Variants in RIMKLB observed in about 807,000 individuals in gnomAD.
The protein encoded by RIMKLB is ribosomal modification protein rimK like family member B, also known as beta-citrylglutamate synthase B.
Under a neutral mutation model 32.0 loss-of-function variants are expected in RIMKLB, and 7 were observed. The observed-to-expected ratio is 0.22, with a 90% CI of 0.12 to 0.41. RIMKLB has a LOEUF of 0.41. Ranked by LOEUF, RIMKLB falls within the 10% of genes least tolerant of loss-of-function variation. The probability of loss-of-function intolerance (pLI) is 1.00; values close to 1 mark genes in which losing one functional copy is unlikely to be tolerated. For synonymous variants in RIMKLB, 172 were observed against 185.1 expected, an observed-to-expected ratio of 0.93 and a Z score of 0.57; for missense variants, 289 against 498.7, an observed-to-expected ratio of 0.58 and a Z score of 4.00.
At chr12:8,676,331 C>T in the RIMKLB span, among the ~76,000 whole-genome samples, 1 of 150,262 alleles carries the variant, frequency 6.7e-6, no homozygotes, top group African/African-American at 2.5e-5. Flanking sequence ...GTCTTGGCCT[C>T]CCAAAGTACT....
At position 8,776,402 on chromosome 12, in the gene RIMKLB, C is replaced by T; in HGVS notation, c.*2618C>T. On this transcript the variant is annotated 3_prime_UTR_variant, in exon 6 of 6. Coordinates refer to ENST00000535829, the MANE Select transcript of RIMKLB (RefSeq NM_001297776.2). ...GGAAGTACCTTAAGGAAACAAACAG[C>T]AGCAGATATTTAGGTTAAACTTATT... 1.0e-6 allele frequency: 1 copy of T among 975,462 alleles called. No individual in the cohort carries two copies. Among genetic ancestry groups the T allele is most frequent in the Non-Finnish European group, 1.2e-6 (1 of 820,938 alleles). The allele number at this position is 975,462 out of a possible 1,614,324, so 60.4% of individuals were successfully genotyped here.
chr12:8,719,747 A>G (rs1461220965), intron 2 of RIMKLB, among the ~76,000 whole-genome samples: 3 of 152,234 alleles, frequency 2.0e-5, no homozygotes, highest in Admixed American at 1.3e-4. Flanking sequence ...AATAACTATT[A>G]CAAGTGCTTA....
At chr12:8,715,512 C>T (rs1163333893) in intron 2 of RIMKLB, among the ~76,000 whole-genome samples, 2 of 152,138 alleles carry the variant, frequency 1.3e-5, no homozygotes, top group Non-Finnish European at 1.5e-5. Context: ...GCATGAGGCA[C>T]CATGCCCACC....
At chr12:8,777,468 T>C (rs1950804015), downstream of RIMKLB, 2 of 1,112,518 alleles carry the variant, frequency 1.8e-6, no homozygotes, top group South Asian at 2.2e-5. Flanking sequence ...TGCCTAACTC[T>C]AGTGAAAATT....
intron 1 of RIMKLB, among the ~76,000 whole-genome samples, chr12:8,707,201 G>T (rs1294361161): frequency 6.6e-6 from 1 of 152,094 alleles, no homozygotes; most frequent in Non-Finnish European, 1.5e-5. Flanking sequence ...TCTCCCACAG[G>T]TTAAGTGCTC....
chr12:8,682,759 C>G (rs1180344948), intron 1 of RIMKLB, among the ~76,000 whole-genome samples: 1 of 140,836 alleles, frequency 7.1e-6, no homozygotes, highest in South Asian at 2.2e-4. Context: ...GGGGAGGGAG[C>G]GAGATTCCGC....
At chr12:8,700,862 T>C (rs1210991844) in intron 1 of RIMKLB, among the ~76,000 whole-genome samples, 2 of 152,080 alleles carry the variant, frequency 1.3e-5, no homozygotes, top group Non-Finnish European at 2.9e-5. Context: ...GGTCAGGAGT[T>C]TGAAACCAGC....
In RIMKLB at chr12:8,719,450, C is replaced by T. The variant is rs143740846; in HGVS notation, c.175+5409C>T. Among the ~76,000 whole-genome samples the T allele has an allele frequency of 1.1e-3, 170 of 152,206 alleles. 1 individual carries two copies. Among genetic ancestry groups the T allele is most frequent in the Admixed American group, 1.8e-3 (28 of 15,270 alleles). On this transcript the variant is annotated intron_variant, in intron 2 of 5. Transcript: ENST00000535829. ...ATGGTGCGATCTCGGCTCACTGCAA[C>T]CTCCACCTCCCAGATTCAAGCGATT...
At chr12:8,755,731 G>A (rs1388013425) in intron 5 of RIMKLB, among the ~76,000 whole-genome samples, 3 of 152,130 alleles carry the variant, frequency 2.0e-5, no homozygotes, top group African/African-American at 4.8e-5. Context: ...CGATAGGGCC[G>A]GGCACAATGG....
At chr12:8,715,447 A>T (rs974590014) in intron 2 of RIMKLB, among the ~76,000 whole-genome samples, 9 of 151,080 alleles carry the variant, frequency 6.0e-5, no homozygotes, top group Admixed American at 5.9e-4. Context: ...CTGGTCTCCA[A>T]CTCTGAACTC....
chr12:8,702,536 A>G (rs1057284732), intron 1 of RIMKLB, among the ~76,000 whole-genome samples: 4 of 152,038 alleles, frequency 2.6e-5, no homozygotes, highest in Non-Finnish European at 5.9e-5. Context: ...TCACGTTCCT[A>G]TAAATTTAGA....
At position 8,757,147 on chromosome 12, in the gene RIMKLB, ATAGT is replaced by A. The variant is rs765243403; in HGVS notation, c.697+3057_697+3060del. 9.5e-4 allele frequency among the ~76,000 whole-genome samples: 145 copies of A among 152,292 alleles called. 1 individual carries two copies. The highest frequency in any genetic ancestry group is 3.4e-3 in the African/African-American group (140 of 41,556). On this transcript the variant is annotated intron_variant, in intron 5 of 5. Coordinates refer to ENST00000535829, the MANE Select transcript of RIMKLB (RefSeq NM_001297776.2). Reference sequence around the variant, plus strand: ...ACTTTACTACATTGAGATTTAATTAATAGTTACTCTTCATAGTTCAGGCAAAAGG... The same window carrying A: ...ACTTTACTACATTGAGATTTAATTAATACTCTTCATAGTTCAGGCAAAAGG...
intron 5 of RIMKLB, among the ~76,000 whole-genome samples, chr12:8,758,665 T>C (rs1266327255): frequency 6.6e-6 from 1 of 152,236 alleles, no homozygotes; most frequent in Non-Finnish European, 1.5e-5. Flanking sequence ...TCTAAAAGCT[T>C]TTCCGTGTTT....
At chr12:8,766,720 C>T (rs565113681) in intron 5 of RIMKLB, among the ~76,000 whole-genome samples, 1 of 152,198 alleles carries the variant, frequency 6.6e-6, no homozygotes, top group Non-Finnish European at 1.5e-5. Flanking sequence ...GGAGTTCCTC[C>T]TAGGTCTGGT....
At chr12:8,682,608 T>C (rs1942441203) in intron 1 of RIMKLB, among the ~76,000 whole-genome samples, 1 of 151,402 alleles carries the variant, frequency 6.6e-6, no homozygotes, top group Non-Finnish European at 1.5e-5. Context: ...CTGACTCTAC[T>C]AAGAACACCA....
Position 8,776,154 on chromosome 12 carries a change from G to GTAGT in RIMKLB, c.*2375_*2378dup. ...GGTGGGGTAAGGCATCAGGAAAAAT[G>GTAGT]TAGTTAGTCTTTTCTTAACTTATAC... On this transcript the variant is annotated 3_prime_UTR_variant, in exon 6 of 6. Coordinates refer to ENST00000535829, the MANE Select transcript of RIMKLB (RefSeq NM_001297776.2). The GTAGT allele has an allele frequency of 1.2e-5, 12 of 984,966 alleles. No homozygotes were observed. Among genetic ancestry groups the GTAGT allele is most frequent in the African/African-American group, 1.7e-5 (1 of 57,344 alleles). The allele number at this position is 984,966 out of a possible 1,614,324, so 61.0% of individuals were successfully genotyped here. A position where few individuals can be genotyped will look rare whatever the true frequency, so the allele number is the denominator to read the frequency against.
downstream of RIMKLB, chr12:8,777,211 CTTTCTTTTTTTTT>C (rs1339875708): frequency 1.6e-4 from 77 of 483,462 alleles, no homozygotes; most frequent in Admixed American, 7.9e-4. Context: ...TGCTTGCTTG[CTTTCTTTTTTTTT>C]TTTTTTTTTT....
intron 2 of RIMKLB, among the ~76,000 whole-genome samples, chr12:8,717,630 G>T (rs778355405): frequency 7.2e-5 from 11 of 152,090 alleles, no homozygotes; most frequent in African/African-American, 2.7e-4. Flanking sequence ...AATGTAAAAG[G>T]CTTGTCTGTT....
At chr12:8,768,715 T>A (rs894979045) in intron 5 of RIMKLB, among the ~76,000 whole-genome samples, 11 of 152,210 alleles carry the variant, frequency 7.2e-5, no homozygotes, top group Non-Finnish European at 1.5e-4. Flanking sequence ...TCTGAAACCC[T>A]TCTGTAATAA....
Sources: gnomAD v4.1 joint callset for allele counts (sites outside exome capture counted in the v4.1 genomes callset) on GRCh38, gnomAD v4.1.1 for gene constraint, MANE v1.5 for transcripts, NCBI Gene and HGNC (gene_info 2026-07-23, HGNC 2026-07-21) for gene names.